CFAP43: variants seen among roughly 807,000 people sequenced by gnomAD.
CFAP43 encodes the protein cilia and flagella associated protein 43, also known as cilia- and flagella-associated protein 43.
In CFAP43, 155 loss-of-function variants were observed where a neutral mutation model predicts 218.9. That is an observed-to-expected ratio of 0.71 (90% confidence interval 0.62 to 0.81). CFAP43 has a LOEUF of 0.81. Ranked by LOEUF, CFAP43 falls within the 30% of genes least tolerant of loss-of-function variation. The pLI is 0.00. For missense variants in CFAP43, 1,778 were observed against 1,954.3 expected (o/e 0.91, Z 1.70); for synonymous variants, 645 against 681.3 (o/e 0.95, Z 0.83).
rs185041602 is a variant in CFAP43, at chr10:104,207,272, T to A, written c.895+393A>T. 7.2e-5 allele frequency among the ~76,000 whole-genome samples: 11 copies of A among 152,056 alleles called. No individual in the cohort carries two copies. The East Asian group carries it at 1.5e-3, about 21-fold the overall frequency. On this transcript the variant is annotated intron_variant, in intron 6 of 37. Coordinates refer to ENST00000357060, the MANE Select transcript of CFAP43 (RefSeq NM_025145.7). ...AGATGATCAGCCTGGAGAAAAGGGT[T>A]GGGGTGGGGGCAGGAAAGGGTATGA... is the stretch of plus-strand genomic sequence containing the variant.
intron 3 of CFAP43, among the ~76,000 whole-genome samples, chr10:104,221,829 A>C (rs1182943225): frequency 6.6e-6 from 1 of 151,982 alleles, no homozygotes; most frequent in Non-Finnish European, 1.5e-5. Flanking sequence ...GGGTTGCTGC[A>C]GGGGGGAGGC....
chr10:104,170,279 G>A (rs996019707), intron 20 of CFAP43, among the ~76,000 whole-genome samples: 1 of 152,146 alleles, frequency 6.6e-6, no homozygotes, highest in Non-Finnish European at 1.5e-5. Flanking sequence ...GAGGATCAAG[G>A]AGAACTCTTG....
At chr10:104,172,359 T>C in intron 20 of CFAP43, 51 bp downstream of exon 20, 2 of 1,577,498 alleles carry the variant, frequency 1.3e-6, no homozygotes, top group Non-Finnish European at 1.7e-6. Context: ...CTATTATCTT[T>C]TTACTTCTTT....
At chr10:104,200,754 C>G (rs2090512894) in intron 8 of CFAP43, among the ~76,000 whole-genome samples, 1 of 146,806 alleles carries the variant, frequency 6.8e-6, no homozygotes, top group Admixed American at 6.8e-5. Flanking sequence ...GCATTCCAGA[C>G]AGAGGGAAAA....
intron 20 of CFAP43, among the ~76,000 whole-genome samples, chr10:104,169,603 C>T (rs1311045189): frequency 1.3e-5 from 2 of 151,924 alleles, no homozygotes; most frequent in African/African-American, 4.8e-5. Context: ...GGATCCTCTT[C>T]AGGACCTTTG....
intron 10 of CFAP43, among the ~76,000 whole-genome samples, chr10:104,194,374 A>T (rs1010948766): frequency 1.3e-4 from 20 of 152,158 alleles, no homozygotes; most frequent in African/African-American, 4.8e-4. Flanking sequence ...AAAAATAAGG[A>T]ATTTAAAAGA....
Position 104,179,896 on chromosome 10 carries a change from AT to A in CFAP43, c.2325del (p.Glu775AspfsTer2). On this transcript the variant is annotated frameshift_variant, in exon 18 of 38. Transcript: ENST00000357060. LOFTEE classifies it high-confidence loss of function. ...TCCTTCTTAACATCGGTTAGAACTA[AT>A]TCATCTTGTGATAAGTCAGTGCTTG... ...QKASTDLSQD[E>X]LVLTDVKKEI... 1 of 1,613,874 alleles carries A rather than the reference AT, an allele frequency of 6.2e-7. No homozygotes were observed. The highest frequency in any genetic ancestry group is 8.5e-7 in the Non-Finnish European group (1 of 1,179,912).
chr10:104,210,148 T>C (rs1393153440), intron 5 of CFAP43, among the ~76,000 whole-genome samples: 1 of 152,228 alleles, frequency 6.6e-6, no homozygotes, highest in Non-Finnish European at 1.5e-5. Flanking sequence ...GATGCAACCA[T>C]ACAACTTTTT....
rs1326547692 is a variant in CFAP43, at chr10:104,143,527, C to T, written c.4057G>A (p.Asp1353Asn). The T allele has an allele frequency of 7.4e-6, 12 of 1,614,116 alleles. No individual in the cohort carries two copies. Among genetic ancestry groups the T allele is most frequent in the Admixed American group, 5.0e-5 (3 of 60,010 alleles). Residue 1353 changes from aspartate to asparagine, a missense_variant, in exon 32 of 38, where the codon GAT becomes AAT. This residue lies in a region of CFAP43 where 1,553 missense variants were observed against 1,685.2 expected (regional missense o/e 0.92). Transcript: ENST00000357060. ...ATGTTACTAATATTGTCCAACTCAT[C>T]CATAGCTTTCATTAACTGGGCAAAG... is the stretch of plus-strand genomic sequence containing the variant. ...DAFAQLMKAM[D>N]ELDNISNMPE...
At chr10:104,194,964 C>G (rs1360166708) in intron 10 of CFAP43, among the ~76,000 whole-genome samples, 1 of 152,182 alleles carries the variant, frequency 6.6e-6, no homozygotes, top group Non-Finnish European at 1.5e-5. Flanking sequence ...TTGAAAACCT[C>G]TGTGGGAAGT....
At chr10:104,216,885 C>T (rs2091026082) in intron 3 of CFAP43, among the ~76,000 whole-genome samples, 1 of 152,174 alleles carries the variant, frequency 6.6e-6, no homozygotes, top group African/African-American at 2.4e-5. Context: ...CAGGCTGAGG[C>T]ACATTCTGGA....
chr10:104,179,200 A>C, intron 18 of CFAP43, 94 bp from the exon 19 acceptor site: 1 of 1,119,142 alleles, frequency 8.9e-7, no homozygotes, highest in Non-Finnish European at 1.3e-6. Flanking sequence ...TAGAAACAGA[A>C]ACTAAAATTT....
rs575074894 is a variant in CFAP43, at chr10:104,193,964, C to T, written c.1344G>A (p.Thr448=). ...CPSSLSAAVG[T]EDGSVYFISV... ...TGATGAAGTAGACCGAGCCATCCTCCGTGCCCACGGCTGCAGAGAGGGAGG... is the reference window on the plus strand; with the variant it reads ...TGATGAAGTAGACCGAGCCATCCTCTGTGCCCACGGCTGCAGAGAGGGAGG... The change falls in exon 11 of 38, where the codon ACG becomes ACA. Residue 448 remains threonine, a synonymous_variant. Coordinates refer to ENST00000357060, the MANE Select transcript of CFAP43 (RefSeq NM_025145.7). The T allele has an allele frequency of 1.3e-5, 21 of 1,614,026 alleles. No individual in the cohort carries two copies. The highest frequency in any genetic ancestry group is 4.4e-5 in the South Asian group (4 of 91,076).
Position 104,167,623 on chromosome 10 carries a change from T to C in CFAP43, c.2806A>G (p.Lys936Glu). 1 of 1,605,382 alleles carries C rather than the reference T, an allele frequency of 6.2e-7. No homozygotes were observed. Among genetic ancestry groups the C allele is most frequent in the Non-Finnish European group, 8.5e-7 (1 of 1,177,208 alleles). Residue 936 changes from lysine (K) to glutamate (E), a missense_variant and splice_region_variant, in exon 22 of 38, where the codon AAA becomes GAA. Lys to Glu is a moderately conservative substitution (Grantham distance 56, BLOSUM62 1). This residue lies in a region of CFAP43 where 1,553 missense variants were observed against 1,685.2 expected (regional missense o/e 0.92). Transcript: ENST00000357060. Reference protein sequence around the residue: ...QQKKIEAECLKLRKEIVEAQS... With the variant: ...QQKKIEAECLELRKEIVEAQS... ...CACATGTATATTTAAAATAGTACTT[T>C]AAGACACTCTGCTTCAATCTTCTTT...
intron 2 of CFAP43, among the ~76,000 whole-genome samples, chr10:104,228,468 C>T (rs1310989545): frequency 6.6e-6 from 1 of 152,296 alleles, no homozygotes; most frequent in East Asian, 1.9e-4. Flanking sequence ...AAATGACCCT[C>T]TGCCTTGCCA....
intron 23 of CFAP43, among the ~76,000 whole-genome samples, chr10:104,166,136 T>G (rs1380545022): frequency 6.6e-6 from 1 of 152,168 alleles, no homozygotes; most frequent in Non-Finnish European, 1.5e-5. Context: ...CTCACTGGCA[T>G]GATCTCGGCT....
intron 8 of CFAP43, among the ~76,000 whole-genome samples, chr10:104,202,345 G>C (rs1305384400): frequency 6.6e-6 from 1 of 152,072 alleles, no homozygotes; most frequent in Non-Finnish European, 1.5e-5. Flanking sequence ...TTTCACTCTG[G>C]TAAGTCTAAG....
In CFAP43 at chr10:104,211,999, G is replaced by A. The variant is rs753698809; in HGVS notation, c.735+8C>T. ...TTAGGCAAACAGGAAGAGGTGCCAG[G>A]TAATTACCCGGAAAGTCTCTGCCTC... On this transcript the variant is annotated splice_region_variant and intron_variant, in intron 5 of 37. Transcript: ENST00000357060. 2.2e-5 allele frequency: 35 copies of A among 1,610,308 alleles called. No individual in the cohort carries two copies. The highest frequency in any genetic ancestry group is 2.5e-5 in the Non-Finnish European group (30 of 1,177,610).
intron 3 of CFAP43, among the ~76,000 whole-genome samples, chr10:104,216,499 C>T (rs942486652): frequency 9.9e-5 from 15 of 152,218 alleles, no homozygotes; most frequent in Admixed American, 2.0e-4. Context: ...CCACTTCACA[C>T]GCCCAGTGGC....
Sources: gnomAD v4.1 joint callset for allele counts (sites outside exome capture counted in the v4.1 genomes callset) on GRCh38, gnomAD v4.1.1 for gene constraint, gnomAD v4.1.1 regional missense constraint, MANE v1.5 for transcripts, NCBI Gene and HGNC (gene_info 2026-07-23, HGNC 2026-07-21) for gene names.